GPHN: variants seen among roughly 807,000 people sequenced by gnomAD.
The protein encoded by GPHN is gephyrin.
A neutral mutation model predicts 95.5 loss-of-function variants in GPHN; 17 were observed. The observed-to-expected ratio is 0.18, with a 90% confidence interval of 0.12 to 0.27. The LOEUF (loss-of-function observed/expected upper bound fraction) is 0.27, where lower values mean the gene tolerates loss of function less well. Among genes scored for constraint, GPHN ranks in the 10% least tolerant of loss-of-function variants. The pLI, the probability that GPHN is intolerant of heterozygous loss-of-function variation, is 1.00. For missense variants in GPHN, 660 were observed against 978.1 expected, an observed-to-expected ratio of 0.67 and a Z score of 4.34; for synonymous variants, 320 against 322.5, an observed-to-expected ratio of 0.99 and a Z score of 0.08.
intron 4 of GPHN, among the ~76,000 whole-genome samples, chr14:66,825,872 ATTTCT>A (rs1453737468): frequency 1.3e-5 from 2 of 152,128 alleles, no homozygotes; most frequent in Non-Finnish European, 2.9e-5. Flanking sequence ...AAAGTTTTAC[ATTTCT>A]TTTATGCTAT....
chr14:66,866,652 G>T (rs971702638), intron 4 of GPHN, among the ~76,000 whole-genome samples: 1 of 152,100 alleles, frequency 6.6e-6, no homozygotes, highest in Non-Finnish European at 1.5e-5. Context: ...AGCAAATACA[G>T]TGAGATTTTT....
chr14:67,579,247 G>A, the GPHN span: 46 of 1,605,420 alleles, frequency 2.9e-5, 1 homozygote, highest in African/African-American at 4.0e-4. Context: ...ATCCTGCTGC[G>A]TAACCCCTTC....
chr14:66,604,175 T>C (rs2062396450), intron 1 of GPHN, among the ~76,000 whole-genome samples: 1 of 152,128 alleles, frequency 6.6e-6, no homozygotes, highest in Admixed American at 6.5e-5. Flanking sequence ...TTTGTAGAGC[T>C]GCAAAGTATA....
At chr14:67,195,233 T>C in the GPHN span, among the ~76,000 whole-genome samples, 1 of 152,186 alleles carries the variant, frequency 6.6e-6, no homozygotes, top group African/African-American at 2.4e-5. Context: ...TAACCTCAAC[T>C]TTGTTCAAAA....
chr14:66,557,355 T>C (rs2060050198), intron 1 of GPHN, among the ~76,000 whole-genome samples: 1 of 152,114 alleles, frequency 6.6e-6, no homozygotes, highest in South Asian at 2.1e-4. Context: ...AATAATAAAA[T>C]GATGGTTTAA....
chr14:67,204,849 C>T, the GPHN span: 2 of 1,613,850 alleles, frequency 1.2e-6, no homozygotes, highest in African/African-American at 2.7e-5. Flanking sequence ...CAGGTACAGG[C>T]CCTGAACATG....
At chr14:66,567,613 T>G (rs1595004375) in intron 1 of GPHN, among the ~76,000 whole-genome samples, 1 of 152,340 alleles carries the variant, frequency 6.6e-6, no homozygotes, top group East Asian at 1.9e-4. Flanking sequence ...AATTATTTCC[T>G]TAGGGAATGA....
At chr14:67,346,985 A>T in the GPHN span, among the ~76,000 whole-genome samples, 3 of 152,072 alleles carry the variant, frequency 2.0e-5, no homozygotes, top group Non-Finnish European at 4.4e-5. Context: ...ACTTCCTAGC[A>T]TAAGACCTTT....
chr14:66,595,789 C>T (rs2061948230), intron 1 of GPHN, among the ~76,000 whole-genome samples: 1 of 128,034 alleles, frequency 7.8e-6, no homozygotes, highest in African/African-American at 4.2e-5. Flanking sequence ...CAGCTCTTCT[C>T]TCCTTCTTGT....
At chr14:67,132,089 G>A (rs1444061431) in intron 17 of GPHN, among the ~76,000 whole-genome samples, 18 of 152,176 alleles carry the variant, frequency 1.2e-4, no homozygotes, top group Non-Finnish European at 5.9e-5. Flanking sequence ...TCCTCTTGCT[G>A]CTGCGAATTT....
intron 1 of GPHN, among the ~76,000 whole-genome samples, chr14:66,579,485 A>C (rs1422685688): frequency 2.6e-5 from 4 of 151,862 alleles, no homozygotes; most frequent in Non-Finnish European, 5.9e-5. Context: ...TTAAGGACAC[A>C]AATAGACTGA....
At chr14:67,712,266 C>T in the GPHN span, among the ~76,000 whole-genome samples, 3 of 151,948 alleles carry the variant, frequency 2.0e-5, no homozygotes, top group African/African-American at 7.3e-5. Context: ...TGGGAGGAGC[C>T]CACACTGAAT....
chr14:66,939,521 G>A (rs1341635337), intron 8 of GPHN, among the ~76,000 whole-genome samples: 1 of 152,060 alleles, frequency 6.6e-6, no homozygotes, highest in Non-Finnish European at 1.5e-5. Flanking sequence ...CTGCTAGCAG[G>A]TTTCCTGCCT....
At chr14:67,518,583 C>G in the GPHN span, among the ~76,000 whole-genome samples, 1 of 152,232 alleles carries the variant, frequency 6.6e-6, no homozygotes, top group Non-Finnish European at 1.5e-5. Context: ...TTTCAAGTAT[C>G]TTTGTATCTC....
the GPHN span, among the ~76,000 whole-genome samples, chr14:67,440,183 GTGA>G: frequency 2.0e-5 from 3 of 152,164 alleles, no homozygotes; most frequent in Non-Finnish European, 2.9e-5. Context: ...TATTGTGTTG[GTGA>G]TGATCTGCAC....
At chr14:67,626,959 C>A in the GPHN span, among the ~76,000 whole-genome samples, 2 of 152,066 alleles carry the variant, frequency 1.3e-5, no homozygotes, top group African/African-American at 2.4e-5. Context: ...TCAAAGAAGG[C>A]AGACACAGAA....
intron 1 of GPHN, among the ~76,000 whole-genome samples, chr14:66,533,050 G>C (rs1169391559): frequency 6.6e-6 from 1 of 152,172 alleles, no homozygotes; most frequent in Non-Finnish European, 1.5e-5. Flanking sequence ...TCGCCGAATA[G>C]TCAGTCCACT....
intron 1 of GPHN, among the ~76,000 whole-genome samples, chr14:66,589,476 G>T (rs993610456): frequency 7.3e-5 from 11 of 151,266 alleles, no homozygotes; most frequent in Non-Finnish European, 1.6e-4. Flanking sequence ...TTGATGTGCT[G>T]TATTTAGGAG....
chr14:67,193,659 T>C, the GPHN span, among the ~76,000 whole-genome samples: 2 of 146,000 alleles, frequency 1.4e-5, no homozygotes, highest in Non-Finnish European at 3.0e-5. Context: ...AGAAATTAAG[T>C]AGGCCAAGCA....
Sources: allele counts gnomAD v4.1 joint callset (sites outside exome capture counted in the v4.1 genomes callset), GRCh38; gene constraint gnomAD v4.1.1; transcripts MANE v1.5; gene names NCBI Gene and HGNC (gene_info 2026-07-23, HGNC 2026-07-21).